GET1: variants seen among roughly 807,000 people sequenced by gnomAD.
GET1 encodes guided entry of tail-anchored proteins factor 1, also known as congenital heart disease 5 protein.
GET1 carries 20 observed loss-of-function variants against 22.6 expected under a neutral mutation model. That is an observed-to-expected ratio of 0.89 (90% CI 0.62 to 1.29). The LOEUF (loss-of-function observed/expected upper bound fraction) is 1.29, where lower values mean the gene tolerates loss of function less well. Ranked by LOEUF, GET1 falls within the 50% of genes most tolerant of loss-of-function variation. GET1 has a pLI of 0.00. For synonymous variants in GET1, 92 were observed against 83.8 expected, an observed-to-expected ratio of 1.10 and a Z score of -0.53; for missense variants, 209 against 219.9, an observed-to-expected ratio of 0.95 and a Z score of 0.31.
downstream of GET1, among the ~76,000 whole-genome samples, chr21:39,398,761 C>T (rs1360823548): frequency 6.6e-6 from 1 of 151,576 alleles, no homozygotes; most frequent in Non-Finnish European, 1.5e-5. Flanking sequence ...TTACAGGCGC[C>T]CGCCGTCACG....
intron 1 of GET1, among the ~76,000 whole-genome samples, chr21:39,388,937 G>A (rs2038109371): frequency 6.6e-6 from 1 of 152,192 alleles, no homozygotes; most frequent in South Asian, 2.1e-4. Flanking sequence ...AGCCAGGCCA[G>A]CCTGGGGAGC....
At chr21:39,413,250 CAT>C (rs1367865748) in intron 1 of GET1, among the ~76,000 whole-genome samples, 1 of 152,190 alleles carries the variant, frequency 6.6e-6, no homozygotes, top group Non-Finnish European at 1.5e-5. Context: ...CAAGAGTACA[CAT>C]ATGTTTTCTC....
intron 1 of GET1, chr21:39,427,771 C>T (rs1050673755): frequency 6.5e-6 from 1 of 154,026 alleles, no homozygotes; most frequent in Non-Finnish European, 1.4e-5. Flanking sequence ...GACTTGGAGA[C>T]CATCCTCTTG....
chr21:39,417,926 T>C (rs962229510), intron 1 of GET1, among the ~76,000 whole-genome samples: 8 of 152,056 alleles, frequency 5.3e-5, no homozygotes, highest in South Asian at 2.1e-4. Context: ...CCACCATGCC[T>C]GGTTAATTTT....
chr21:39,427,170 T>C (rs2837026), intron 1 of GET1, among the ~76,000 whole-genome samples: 35,022 of 152,050 alleles, frequency 0.23, 4,531 homozygotes, highest in African/African-American at 0.35. Flanking sequence ...TGTCCTCCTG[T>C]TGACTGAAGT....
chr21:39,416,087 T>C lies in GET1; in HGVS notation c.*23+5150T>C, dbSNP rs552001860. Among the ~76,000 whole-genome samples the C allele has an allele frequency of 2.0e-5, 3 of 152,306 alleles. No individual in the cohort carries two copies. In the East Asian group the frequency reaches 5.8e-4, roughly 29 times the overall value. On this transcript the variant is annotated intron_variant, in intron 1 of 1. Transcript: ENST00000478273. ...TTCTAATCCTGTCATTCCTTCTTCATTATTGAGTGGAATGCTTTTATAAGG... is the reference window on the plus strand; with the variant it reads ...TTCTAATCCTGTCATTCCTTCTTCACTATTGAGTGGAATGCTTTTATAAGG...
intron 4 of GET1, 82 bp downstream of exon 4, chr21:39,393,362 A>T: frequency 1.8e-6 from 2 of 1,101,794 alleles, no homozygotes; most frequent in Non-Finnish European, 2.7e-6. Flanking sequence ...AGTTAGCCTG[A>T]CATCCTCCTC....
chr21:39,396,684 T>TC, intron 4 of GET1, among the ~76,000 whole-genome samples, 182 bp from the exon 5 acceptor site: 1 of 55,888 alleles, frequency 1.8e-5, no homozygotes, highest in Non-Finnish European at 3.5e-5. Context: ...AGACTCCGTC[T>TC]CAAAAAAAAA....
chr21:39,394,529 G>T lies in GET1; in HGVS notation c.451+1249G>T, dbSNP rs369820938. ...GGTTAAGTGAAATACTATAAACTGG[G>T]TAGCTCATAAACAACAGAAATTTAT... On this transcript the variant is annotated intron_variant, in intron 4 of 4. Transcript: ENST00000649170. 7.9e-5 allele frequency among the ~76,000 whole-genome samples: 12 copies of T among 152,250 alleles called. No homozygotes were observed. The South Asian group carries it at 1.0e-3, about 13-fold the overall frequency.
At chr21:39,410,037 T>C, downstream of GET1, 1 of 1,610,184 alleles carries the variant, frequency 6.2e-7, no homozygotes, top group Non-Finnish European at 8.5e-7. Context: ...AGTGAGGAAT[T>C]TCATGATTTA....
At position 39,405,888 on chromosome 21, in the gene GET1, A is replaced by G. The variant is rs184085067; in HGVS notation, c.350-26A>G. 1.1e-5 allele frequency: 18 copies of G among 1,571,614 alleles called. No homozygotes were observed. In the African/African-American group the frequency reaches 2.3e-4, roughly 20 times the overall value. On this transcript the variant is annotated intron_variant, in intron 4 of 4. Transcript: ENST00000415847. ...ATTAGGATATTGATTATATTTAAAT[A>G]ATTATTTTTCTTTTTCCTTCTGTAG...
intron 1 of GET1, among the ~76,000 whole-genome samples, chr21:39,416,125 C>T (rs534366051): frequency 6.6e-6 from 1 of 152,274 alleles, no homozygotes; most frequent in Non-Finnish European, 1.5e-5. Context: ...GATCTTACCC[C>T]CTCACAAACG....
At position 39,397,008 on chromosome 21, in the gene GET1, C is replaced by T. The variant is rs1000925325; in HGVS notation, c.*69C>T. 2 of 1,539,994 alleles carry T rather than the reference C, an allele frequency of 1.3e-6. No individual in the cohort carries two copies. Among genetic ancestry groups the T allele is most frequent in the Admixed American group, 1.8e-5 (1 of 56,008 alleles). On this transcript the variant is annotated 3_prime_UTR_variant, in exon 5 of 5. Transcript: ENST00000649170. ...TCTTCCTAGCTTAAAATCTGATTTA[C>T]ACTGTTTTGTTTTTTAAGAAACAAA...
intron 1 of GET1, among the ~76,000 whole-genome samples, chr21:39,412,605 C>CACACAT (rs1395670804): frequency 4.6e-5 from 7 of 151,670 alleles, no homozygotes; most frequent in African/African-American, 1.7e-4. Context: ...CATGTGCACA[C>CACACAT]ACACACACAC....
chr21:39,390,833 A>C lies in GET1; in HGVS notation c.238A>C (p.Asn80His). The C allele has an allele frequency of 6.2e-7, 1 of 1,614,194 alleles. No homozygotes were observed. Among genetic ancestry groups the C allele is most frequent in the South Asian group, 1.1e-5 (1 of 91,082 alleles). ...ARYARLERKI[N>H]KMTDKLKTHV... is the part of the protein sequence containing the mutation. ...ATATGCCAGGCTGGAAAGAAAGATC[A>C]ACAAGATGACGGATAAGCTCAAAAC... The change falls in exon 2 of 5, where the codon AAC becomes CAC. Residue 80 changes from asparagine to histidine, a missense_variant. By Grantham distance (68) the Asn-to-His change is moderately conservative. Transcript: ENST00000649170.
rs781412562 is a variant in GET1, at chr21:39,396,919, G to A, written c.505G>A (p.Val169Met). ...AGTCTGTAACAAAGTTGTCGCTATT[G>A]TGCTTCATCCGTTCAGCTGAACAGG... is the stretch of plus-strand genomic sequence containing the variant. ...ILVCNKVVAI[V>M]LHPFS The change falls in exon 5 of 5, where the codon GTG becomes ATG. Residue 169 changes from valine (V) to methionine (M), a missense_variant. By Grantham distance (21) the Val-to-Met change is conservative. Coordinates refer to ENST00000649170, the MANE Select transcript of GET1 (RefSeq NM_004627.6). The A allele has an allele frequency of 6.2e-7, 1 of 1,614,046 alleles. No homozygotes were observed.
At chr21:39,387,685 CCACA>C in intron 1 of GET1, 1 of 607,462 alleles carries the variant, frequency 1.6e-6, no homozygotes, top group Non-Finnish European at 2.1e-6. Context: ...CCCCTACTCC[CCACA>C]CTCCCCCCCC....
chr21:39,412,842 G>A (rs1389962705), intron 1 of GET1, among the ~76,000 whole-genome samples: 2 of 152,222 alleles, frequency 1.3e-5, no homozygotes, highest in African/African-American at 2.4e-5. Context: ...TTGCCCAAGT[G>A]TAAGTTAGAA....
intron 1 of GET1, chr21:39,420,823 C>T (rs537924812): frequency 8.1e-6 from 13 of 1,612,516 alleles, no homozygotes; most frequent in Admixed American, 1.7e-5. Context: ...TGCAGTTCAA[C>T]CTCAGTTGTT....
Sources: gnomAD v4.1 joint callset for allele counts (sites outside exome capture counted in the v4.1 genomes callset) on GRCh38, gnomAD v4.1.1 for gene constraint, MANE v1.5 for transcripts, NCBI Gene and HGNC (gene_info 2026-07-23, HGNC 2026-07-21) for gene names.